ZMIZ1: variants seen among roughly 807,000 people sequenced by gnomAD.
The protein encoded by ZMIZ1 is zinc finger MIZ domain-containing protein 1.
A neutral mutation model predicts 113.9 loss-of-function variants in ZMIZ1; 17 were observed. The ratio of observed to expected loss-of-function variants is 0.15; its 90% CI spans 0.10 to 0.22. ZMIZ1 has a LOEUF of 0.22. ZMIZ1 is among the 10% of genes least tolerant of loss of function. The probability of loss-of-function intolerance (pLI) is 1.00; values close to 1 mark genes in which losing one functional copy is unlikely to be tolerated. For missense variants in ZMIZ1, 1,059 were observed against 1,477.8 expected, an observed-to-expected ratio of 0.72 and a Z score of 4.65; for synonymous variants, 607 against 603.1, an observed-to-expected ratio of 1.01 and a Z score of -0.09.
intron 16 of ZMIZ1, 140 bp from the exon 17 acceptor site, chr10:79,300,592 A>T: frequency 9.3e-7 from 1 of 1,073,190 alleles, no homozygotes; most frequent in Non-Finnish European, 1.3e-6. Flanking sequence ...AGGCTGGGGG[A>T]ATCATTGGGG....
chr10:79,214,812 TA>T (rs1474703638), intron 6 of ZMIZ1, among the ~76,000 whole-genome samples: 1 of 152,172 alleles, frequency 6.6e-6, no homozygotes, highest in Admixed American at 6.5e-5. Flanking sequence ...AGGTCCTTCT[TA>T]ATAAAGAAAG....
In ZMIZ1 at chr10:79,315,460, A is replaced by C. The variant is rs534358281; in HGVS notation, c.*2711A>C. 2 of 152,874 alleles carry C rather than the reference A, an allele frequency of 1.3e-5. No homozygotes were observed. The highest frequency in any genetic ancestry group is 3.8e-4 in the East Asian group (2 of 5,288). The allele number at this position is 152,874 out of a possible 1,614,324, so 9.5% of individuals were successfully genotyped here. ...AGCAAAAACGAGGCCTCTGCAAGCC[A>C]CTTTTCCATGCCAAGCATCCACCCG... On this transcript the variant is annotated 3_prime_UTR_variant, in exon 25 of 25. Coordinates refer to ENST00000334512, the MANE Select transcript of ZMIZ1 (RefSeq NM_020338.4).
intron 2 of ZMIZ1, among the ~76,000 whole-genome samples, chr10:79,120,774 G>T (rs1395133294): frequency 6.6e-6 from 1 of 152,216 alleles, no homozygotes; most frequent in Non-Finnish European, 1.5e-5. Context: ...GGATGTGGGG[G>T]CTGTTCCTCT....
chr10:79,108,941 A>C (rs114051524), intron 1 of ZMIZ1, among the ~76,000 whole-genome samples: 118 of 151,856 alleles, frequency 7.8e-4, no homozygotes, highest in African/African-American at 2.8e-3. Context: ...CTGAGTGGGC[A>C]CACCCAGGCC....
chr10:79,194,569 CCGTTGAGAT>C (rs1410598990), intron 4 of ZMIZ1, among the ~76,000 whole-genome samples: 2 of 152,210 alleles, frequency 1.3e-5, no homozygotes, highest in Non-Finnish European at 2.9e-5. Flanking sequence ...GCCGTTGAGA[CCGTTGAGAT>C]GCTTCTCTCC....
Position 79,292,169 on chromosome 10 carries a change from G to T in ZMIZ1, c.770G>T (p.Gly257Val). Residue 257 changes from glycine to valine, a missense_variant, in exon 11 of 25, where the codon GGT becomes GTT. Transcript: ENST00000334512. Reference protein sequence around the residue: ...SGGFGASYPGGPNAPAGMGIP... With the variant: ...SGGFGASYPGVPNAPAGMGIP... ...TTCTCCCCCTGCAGTTACCCTGGGG[G>T]TCCTAACGCCCCCGCAGGCATGGGC... The T allele has an allele frequency of 1.9e-6, 3 of 1,609,134 alleles. No individual in the cohort carries two copies. The highest frequency in any genetic ancestry group is 1.1e-5 in the South Asian group (1 of 90,886).
chr10:79,127,338 A>G (rs891729282), intron 2 of ZMIZ1, among the ~76,000 whole-genome samples: 1 of 152,114 alleles, frequency 6.6e-6, no homozygotes, highest in Non-Finnish European at 1.5e-5. Context: ...CTATCAGCAG[A>G]GCGCCAGCCA....
intron 7 of ZMIZ1, among the ~76,000 whole-genome samples, chr10:79,270,873 C>T (rs1851906778): frequency 6.6e-6 from 1 of 152,258 alleles, no homozygotes; most frequent in East Asian, 1.9e-4. Flanking sequence ...TCCCCACTAC[C>T]CCCACAAAAG....
chr10:79,090,171 A>T (rs535377032), intron 1 of ZMIZ1, among the ~76,000 whole-genome samples: 2 of 152,226 alleles, frequency 1.3e-5, no homozygotes, highest in African/African-American at 4.8e-5. Context: ...TAGCTGCCCC[A>T]TTTTACAGGT....
chr10:79,074,960 TG>T (rs994607187), intron 1 of ZMIZ1, among the ~76,000 whole-genome samples: 33 of 152,236 alleles, frequency 2.2e-4, no homozygotes, highest in Admixed American at 2.2e-3. Flanking sequence ...TGGGGGAGGC[TG>T]GGGTGTCTGA....
At chr10:79,173,442 G>C (rs1846689288) in intron 4 of ZMIZ1, among the ~76,000 whole-genome samples, 1 of 152,190 alleles carries the variant, frequency 6.6e-6, no homozygotes, top group Admixed American at 6.5e-5. Flanking sequence ...AAGGGTCCAA[G>C]GGCAGCCTAG....
chr10:79,102,334 G>A (rs151056114), intron 1 of ZMIZ1, among the ~76,000 whole-genome samples: 60 of 152,348 alleles, frequency 3.9e-4, no homozygotes, highest in African/African-American at 1.4e-3. Flanking sequence ...GGCTGTGGGC[G>A]CAGCAGCGTG....
chr10:79,196,769 G>A (rs543373487), intron 4 of ZMIZ1, among the ~76,000 whole-genome samples: 4 of 152,348 alleles, frequency 2.6e-5, no homozygotes, highest in Non-Finnish European at 4.4e-5. Context: ...AAGGCCCACC[G>A]GGCTCTGCCC....
In ZMIZ1 at chr10:79,192,473, A is replaced by G. The variant is rs1353565095; in HGVS notation, c.-49-9111A>G. 2.6e-5 allele frequency among the ~76,000 whole-genome samples: 4 copies of G among 152,342 alleles called. No homozygotes were observed. The East Asian group carries it at 5.8e-4, about 22-fold the overall frequency. ...AGGATGGGTGTTGGGAGATTGGATC[A>G]TGAAGAGAAGTGGGTCCACCCTTCC... On this transcript the variant is annotated intron_variant, in intron 4 of 24. Transcript: ENST00000334512.
intron 23 of ZMIZ1, among the ~76,000 whole-genome samples, chr10:79,307,843 C>T (rs545068983): frequency 3.6e-4 from 55 of 152,220 alleles, no homozygotes; most frequent in Non-Finnish European, 6.6e-4. Flanking sequence ...TACACACACA[C>T]GTGCATGCAC....
intron 1 of ZMIZ1, among the ~76,000 whole-genome samples, chr10:79,094,686 C>A (rs1198323797): frequency 6.6e-6 from 1 of 152,224 alleles, no homozygotes; most frequent in South Asian, 2.1e-4. Context: ...CAGTGGCTCA[C>A]GCCTCTAATC....
At chr10:79,294,867 C>T (rs1320889144) in intron 12 of ZMIZ1, 3 of 151,394 alleles carry the variant, frequency 2.0e-5, no homozygotes, top group Admixed American at 6.6e-5. Context: ...CACATTTCCC[C>T]TCAGTATCCA....
rs146938871 is a variant in ZMIZ1 at position 79,109,661 on chromosome 10, C to T, written c.-336-9254C>T. ...GCACTCGCCCATATTCTGTGCCAGACCTTGAGGACAGCCCCGGGTCGTGGG... is the reference window on the plus strand; with the variant it reads ...GCACTCGCCCATATTCTGTGCCAGATCTTGAGGACAGCCCCGGGTCGTGGG... On this transcript the variant is annotated intron_variant, in intron 1 of 24. Coordinates refer to ENST00000334512, the MANE Select transcript of ZMIZ1 (RefSeq NM_020338.4). Among the ~76,000 whole-genome samples, 388 of 152,358 alleles carry T rather than the reference C, an allele frequency of 2.5e-3. 2 individuals carry two copies. Among genetic ancestry groups the T allele is most frequent in the African/African-American group, 9.0e-3 (376 of 41,588 alleles).
chr10:79,084,325 C>T (rs1842743054), intron 1 of ZMIZ1, among the ~76,000 whole-genome samples: 1 of 152,238 alleles, frequency 6.6e-6, no homozygotes, highest in Non-Finnish European at 1.5e-5. Context: ...TCCTTCACAC[C>T]TCCTCTTTCT....
Sources: gnomAD v4.1 joint callset for allele counts (sites outside exome capture counted in the v4.1 genomes callset) on GRCh38, gnomAD v4.1.1 for gene constraint, MANE v1.5 for transcripts, NCBI Gene and HGNC (gene_info 2026-07-23, HGNC 2026-07-21) for gene names.